TSPAN32: variants seen among roughly 807,000 people sequenced by gnomAD.
The protein encoded by TSPAN32 is tetraspanin 32.
Under a neutral mutation model 42.7 loss-of-function variants are expected in TSPAN32, and 47 were observed. The ratio of observed to expected loss-of-function variants is 1.10; its 90% CI spans 0.87 to 1.40. The LOEUF (loss-of-function observed/expected upper bound fraction) is 1.40. Among genes scored for constraint, TSPAN32 ranks in the 40% most tolerant of loss-of-function variants. The pLI is 0.00. For synonymous variants in TSPAN32, 175 were observed against 175.9 expected (o/e 0.99, Z 0.04); for missense variants, 469 against 424.1 (o/e 1.11, Z -0.93).
At chr11:2,312,530 C>A (rs1848521762) in intron 4 of TSPAN32, among the ~76,000 whole-genome samples, 1 of 152,222 alleles carries the variant, frequency 6.6e-6, no homozygotes, top group Non-Finnish European at 1.5e-5. Context: ...GGTCAGGAGC[C>A]AAGTTTGGCC....
intron 3 of TSPAN32, among the ~76,000 whole-genome samples, chr11:2,307,885 G>T (rs538071232): frequency 5.9e-5 from 9 of 152,162 alleles, no homozygotes; most frequent in Non-Finnish European, 1.3e-4. Context: ...AAAGAGAGAG[G>T]CCACAGCATC....
At chr11:2,315,962 G>T in intron 6 of TSPAN32, 33 of 1,529,328 alleles carry the variant, frequency 2.2e-5, no homozygotes, top group Non-Finnish European at 2.8e-5. Flanking sequence ...CAACATGGAC[G>T]CTCAGGACAG....
intron 4 of TSPAN32, 61 bp downstream of exon 4, chr11:2,308,871 G>C: frequency 8.8e-7 from 1 of 1,141,042 alleles, no homozygotes; most frequent in Non-Finnish European, 1.3e-6. Flanking sequence ...GTGGGCACCT[G>C]GGGACTGGGG....
At chr11:2,306,544 GGA>G (rs34446612) in intron 3 of TSPAN32, among the ~76,000 whole-genome samples, 101 of 149,936 alleles carry the variant, frequency 6.7e-4, no homozygotes, top group African/African-American at 2.1e-3. Context: ...GGTGGTGGGG[GGA>G]GAGAGAGAAA....
chr11:2,304,865 C>T lies in TSPAN32; in HGVS notation c.279+661C>T, dbSNP rs565602354. ...ACCCCACCTGGCGGCAGCCTCCCCA[C>T]GCCTGTCCTGCCCCTGCTAGGCCCA... On this transcript the variant is annotated intron_variant, in intron 3 of 9. Coordinates refer to ENST00000182290, the MANE Select transcript of TSPAN32 (RefSeq NM_139022.3). This position sits in a 1 kb window ranked among gnomAD's most constrained non-coding sequence, Gnocchi z 4.8. Among the ~76,000 whole-genome samples the T allele has an allele frequency of 3.3e-5, 5 of 152,272 alleles. No homozygotes were observed. The highest frequency in any genetic ancestry group is 2.1e-4 in the South Asian group (1 of 4,826).
chr11:2,316,641 C>A lies in TSPAN32; in HGVS notation c.693C>A (p.Arg231=). 2 of 1,542,670 alleles carry A rather than the reference C, an allele frequency of 1.3e-6. No homozygotes were observed. The highest frequency in any genetic ancestry group is 1.8e-6 in the Non-Finnish European group (2 of 1,142,420). The change falls in exon 8 of 10, where the codon CGC becomes CGA. Residue 231 remains arginine, a synonymous_variant. Transcript: ENST00000182290. ...FAIRCGCSLD[R]KGKYTLTPRA... is the part of the protein sequence containing the mutation. ...TCCGCTGTGGCTGCAGCTTGGACCG[C>A]AAGGGCAAATACACCCTGACCCCAC...
intron 7 of TSPAN32, 107 bp downstream of exon 7, chr11:2,316,419 G>T (rs1176550868): frequency 6.5e-7 from 1 of 1,544,498 alleles, no homozygotes; most frequent in Non-Finnish European, 8.7e-7. Context: ...CTGGTCTTGA[G>T]CCTCACTGGC....
chr11:2,312,836 G>A (rs1359963269), intron 4 of TSPAN32, among the ~76,000 whole-genome samples: 1 of 152,218 alleles, frequency 6.6e-6, no homozygotes, highest in East Asian at 1.9e-4. Flanking sequence ...GGCCTCTGAG[G>A]CAGGAAGGAG....
Position 2,314,794 on chromosome 11 carries a change from A to G in TSPAN32, c.543+223A>G, listed in dbSNP as rs957102865. The G allele has an allele frequency of 7.0e-6, 4 of 574,128 alleles. No homozygotes were observed. The African/African-American group carries it at 7.5e-5, about 11-fold the overall frequency. 35.6% of individuals were successfully genotyped at this position (574,128 alleles called of 1,614,324 possible). A position where few individuals can be genotyped will look rare whatever the true frequency, so the allele number is the denominator to read the frequency against. On this transcript the variant is annotated intron_variant, in intron 6 of 9. Transcript: ENST00000182290. ...TGGGTGGCCAGGCTGGGCTCAAGAC[A>G]TAAACACAGGCCCCTTTGCCCAGCT...
In TSPAN32 at chr11:2,316,577, T is replaced by TGTCC. The variant is rs772632958; in HGVS notation, c.631_634dup (p.Ala212ValfsTer68). ...CAGCCGCGGGTGTCTCCCTCCCAGG[T>TGTCC]GTCCGCCTTGCTCTTCAGCTCCTTC... On this transcript the variant is annotated frameshift_variant and splice_region_variant, in exon 8 of 10. Transcript: ENST00000182290. LOFTEE classifies it high-confidence loss of function. 6.3e-7 allele frequency: 1 copy of TGTCC among 1,590,060 alleles called. No individual in the cohort carries two copies. The highest frequency in any genetic ancestry group is 2.2e-5 in the East Asian group (1 of 44,610).
intron 4 of TSPAN32, among the ~76,000 whole-genome samples, chr11:2,310,453 G>A (rs777810419): frequency 5.9e-5 from 9 of 152,196 alleles, no homozygotes; most frequent in South Asian, 2.1e-4. Context: ...CTGCCCTTCA[G>A]GGGTCAGTTC....
At chr11:2,316,056 G>A (rs749131173) in intron 6 of TSPAN32, 173 bp from the exon 7 acceptor site, 39 of 1,534,142 alleles carry the variant, frequency 2.5e-5, no homozygotes, top group South Asian at 8.4e-5. Context: ...TCACCTGCTC[G>A]TGCTGCCTTT....
In TSPAN32 at chr11:2,302,910, C is replaced by T. The variant is rs140709712; in HGVS notation, c.133C>T (p.Arg45Cys). 111 of 1,613,612 alleles carry T rather than the reference C, an allele frequency of 6.9e-5. No individual in the cohort carries two copies. Among genetic ancestry groups the T allele is most frequent in the Middle Eastern group, 1.6e-4 (1 of 6,082 alleles). Residue 45 changes from arginine to cysteine, a missense_variant, in exon 2 of 10, where the codon CGC becomes TGC. Transcript: ENST00000182290. ...TYFGAHFAVIRRASLEKNPYQ... is the reference protein window; with the variant it reads ...TYFGAHFAVICRASLEKNPYQ... ...CTTCGGGGCCCACTTTGCTGTCATC[C>T]GCCGAGCGTCCCTGGAGAAGAACCC...
rs1412516527 is a variant in TSPAN32 at position 2,316,613 on chromosome 11, C to T, written c.665C>T (p.Ala222Val). 1.9e-6 allele frequency: 3 copies of T among 1,551,576 alleles called. No individual in the cohort carries two copies. Among genetic ancestry groups the T allele is most frequent in the East Asian group, 2.3e-5 (1 of 44,264 alleles). ...ALLFSSFLWF[A>V]IRCGCSLDRK... is the part of the protein sequence containing the mutation. ...CTCTTCAGCTCCTTCCTGTGGTTTGCCATCCGCTGTGGCTGCAGCTTGGAC... is the reference window on the plus strand; with the variant it reads ...CTCTTCAGCTCCTTCCTGTGGTTTGTCATCCGCTGTGGCTGCAGCTTGGAC... Residue 222 changes from alanine (A) to valine (V), a missense_variant, in exon 8 of 10, where the codon GCC becomes GTC. Transcript: ENST00000182290.
chr11:2,310,870 C>A (rs577707888), intron 4 of TSPAN32, among the ~76,000 whole-genome samples: 114 of 152,298 alleles, frequency 7.5e-4, no homozygotes, highest in South Asian at 2.9e-3. Context: ...GGCCCGGGCC[C>A]TGAGCAGGAG....
rs1042624624 is a variant in TSPAN32, at chr11:2,304,712, G to A, written c.279+508G>A. ...ACTCTCCTTCCCAGCTGCCGGAGGT[G>A]TCTCCCCAGCCCCGAGGTCCCATAG... On this transcript the variant is annotated intron_variant, in intron 3 of 9. Coordinates refer to ENST00000182290, the MANE Select transcript of TSPAN32 (RefSeq NM_139022.3). The surrounding 1 kb of genome is among the most constrained non-coding windows in gnomAD (Gnocchi z 4.8). Among the ~76,000 whole-genome samples the A allele has an allele frequency of 8.6e-5, 13 of 151,786 alleles. No homozygotes were observed. The highest frequency in any genetic ancestry group is 1.6e-4 in the Non-Finnish European group (11 of 67,920).
At chr11:2,314,254 T>C (rs527506915) in intron 5 of TSPAN32, among the ~76,000 whole-genome samples, 1 of 151,252 alleles carries the variant, frequency 6.6e-6, no homozygotes, top group African/African-American at 2.4e-5. Flanking sequence ...CTCCAGCAGG[T>C]GTTCTGTCAC....
Position 2,317,907 on chromosome 11 carries a change from C to A in TSPAN32, c.946C>A (p.Arg316=). Residue 316 remains arginine (R), a synonymous_variant, in exon 10 of 10, where the codon CGG becomes AGG. Coordinates refer to ENST00000182290, the MANE Select transcript of TSPAN32 (RefSeq NM_139022.3). This position sits in a 1 kb window ranked among gnomAD's most constrained non-coding sequence, Gnocchi z 6.2. ...CGGTGGGCTCAGTGGGTGCCCTGAG[C>A]GGGGTCTCTCAGACTGACGTCAGGC... ...SRGGLSGCPE[R]GLSD 1 of 1,234,686 alleles carries A rather than the reference C, an allele frequency of 8.1e-7. No homozygotes were observed. The highest frequency in any genetic ancestry group is 1.2e-6 in the Non-Finnish European group (1 of 833,996). The allele number at this position is 1,234,686 out of a possible 1,614,324, so 76.5% of individuals were successfully genotyped here.
intron 4 of TSPAN32, among the ~76,000 whole-genome samples, chr11:2,310,632 G>A (rs1466081261): frequency 3.3e-5 from 5 of 152,204 alleles, no homozygotes; most frequent in African/African-American, 1.2e-4. Context: ...AGTGTCCTTG[G>A]GCCGCCCTTG....
Sources: gnomAD v4.1 joint callset for allele counts (sites outside exome capture counted in the v4.1 genomes callset) on GRCh38, gnomAD v4.1.1 for gene constraint, Gnocchi (gnomAD v3.1) non-coding constraint, MANE v1.5 for transcripts, NCBI Gene and HGNC (gene_info 2026-07-23, HGNC 2026-07-21) for gene names.